ZFP2: variants seen among roughly 807,000 people sequenced by gnomAD.
ZFP2 encodes ZFP2 zinc finger protein.
In ZFP2, 33 loss-of-function variants were observed where a neutral mutation model predicts 36.1. The observed-to-expected ratio is 0.92, with a 90% confidence interval of 0.69 to 1.22. The LOEUF (loss-of-function observed/expected upper bound fraction) is 1.22. Ranked by LOEUF, ZFP2 falls within the 50% of genes most tolerant of loss-of-function variation. ZFP2 has a pLI of 0.00. For missense variants in ZFP2, 522 were observed against 551.4 expected (o/e 0.95, Z 0.53); for synonymous variants, 170 against 178.0 (o/e 0.96, Z 0.36).
At position 178,923,490 on chromosome 5, in the gene ZFP2, A is replaced by G. The variant is rs969605099; in HGVS notation, c.-78+6780A>G. ...GTCACTGCCAGTCTTTTTATACCCA[A>G]ACTAACTTCCCCATTCATGTTTATT... On this transcript the variant is annotated intron_variant, in intron 4 of 4. Transcript: ENST00000361362. 1.9e-4 allele frequency among the ~76,000 whole-genome samples: 28 copies of G among 149,684 alleles called. 5 individuals are homozygous for G. The highest frequency in any genetic ancestry group is 1.5e-4 in the Non-Finnish European group (10 of 66,684).
At chr5:178,897,773 G>A (rs80183397) in intron 1 of ZFP2, among the ~76,000 whole-genome samples, 21,347 of 151,988 alleles carry the variant, frequency 0.14, 1,736 homozygotes, top group African/African-American at 0.23. Context: ...GAGTTTATCT[G>A]TTTTATTTAC....
chr5:178,919,067 A>C (rs1053021361), intron 4 of ZFP2, among the ~76,000 whole-genome samples: 3 of 152,206 alleles, frequency 2.0e-5, no homozygotes, highest in Non-Finnish European at 4.4e-5. Flanking sequence ...AATAACATTA[A>C]ATAGTAGTAG....
intron 4 of ZFP2, among the ~76,000 whole-genome samples, chr5:178,929,080 C>T (rs1455394395): frequency 2.0e-5 from 3 of 152,156 alleles, no homozygotes; most frequent in African/African-American, 7.2e-5. Flanking sequence ...AGCTGGGATG[C>T]AGGGAGCAGT....
intron 1 of ZFP2, among the ~76,000 whole-genome samples, chr5:178,900,679 A>C (rs1477249511): frequency 1.6e-4 from 2 of 12,288 alleles, no homozygotes; most frequent in Non-Finnish European, 1.7e-4. Context: ...CCCCAGCCAG[A>C]CAGTGTCCTC....
At chr5:178,917,191 A>AT (rs1758450057) in intron 4 of ZFP2, among the ~76,000 whole-genome samples, 1 of 152,264 alleles carries the variant, frequency 6.6e-6, no homozygotes, top group Non-Finnish European at 1.5e-5. Flanking sequence ...AATTAAGAAC[A>AT]TGAATAAAGT....
chr5:178,929,321 GGCT>G lies in ZFP2; in HGVS notation c.-77-1913_-77-1911del, dbSNP rs141654203. The stretch of plus-strand genomic sequence containing the variant: ...GCTTTTCTTTTCTACCACATGGCCA[GGCT>G]GCAAATGTTCCACTTACTCCCTTTT... On this transcript the variant is annotated intron_variant, in intron 4 of 4. Transcript: ENST00000361362. Among the ~76,000 whole-genome samples the G allele has an allele frequency of 1.1e-3, 168 of 151,686 alleles. 2 individuals carry two copies. In the East Asian group the frequency reaches 0.031, roughly 28 times the overall value.
Position 178,907,105 on chromosome 5 carries a change from G to A in ZFP2, c.-449-5479G>A, listed in dbSNP as rs114155972. 7.5e-3 allele frequency among the ~76,000 whole-genome samples: 1,145 copies of A among 152,168 alleles called. 18 individuals carry two copies. Among genetic ancestry groups the A allele is most frequent in the African/African-American group, 0.026 (1,077 of 41,534 alleles). On this transcript the variant is annotated intron_variant, in intron 1 of 4. Coordinates refer to ENST00000361362, the MANE Select transcript of ZFP2 (RefSeq NM_030613.4). ...CCAAAGCTGGCCTTATGGAGCGAGC[G>A]TGTGGAGAAGTCTGGGGAACTGGAC...
chr5:178,931,953 TAC>T lies in ZFP2; in HGVS notation c.642_643del (p.Tyr214Ter). 1 of 1,614,054 alleles carries T rather than the reference TAC, an allele frequency of 6.2e-7. No homozygotes were observed. The highest frequency in any genetic ancestry group is 8.5e-7 in the Non-Finnish European group (1 of 1,179,970). On this transcript the variant is annotated frameshift_variant, in exon 5 of 5. Transcript: ENST00000361362. LOFTEE classifies it high-confidence loss of function. ...HERIHTGEKP[Y>X]KCNECGKAFT... is the part of the protein sequence containing the mutation. Reference sequence around the variant, plus strand: ...AAGGATTCATACTGGAGAGAAACCCTACAAATGTAATGAATGTGGTAAAGCTT... The same window carrying T: ...AAGGATTCATACTGGAGAGAAACCCTAAATGTAATGAATGTGGTAAAGCTT...
In ZFP2 at chr5:178,932,134, A is replaced by G; in HGVS notation, c.821A>G (p.Gln274Arg). The G allele has an allele frequency of 6.2e-7, 1 of 1,613,370 alleles. No homozygotes were observed. Among genetic ancestry groups the G allele is most frequent in the Non-Finnish European group, 8.5e-7 (1 of 1,179,496 alleles). ...GGAGAAAAACCCTATGAGTGTAGTC[A>G]ATGTGGAAAAGCCTTTAGTAAGAGC... is the stretch of plus-strand genomic sequence containing the variant. ...HTGEKPYECS[Q>R]CGKAFSKSST... is the part of the protein sequence containing the mutation. The change falls in exon 5 of 5, where the codon CAA (glutamine) becomes CGA (arginine). Residue 274 changes from glutamine to arginine, a missense_variant. Gln to Arg is a conservative substitution (Grantham distance 43). Coordinates refer to ENST00000361362, the MANE Select transcript of ZFP2 (RefSeq NM_030613.4).
At chr5:178,929,929 A>G (rs919073180) in intron 4 of ZFP2, among the ~76,000 whole-genome samples, 2 of 132,226 alleles carry the variant, frequency 1.5e-5, no homozygotes, top group African/African-American at 5.2e-5. Context: ...TAGTGCCAGC[A>G]TCTGCTTGAC....
At chr5:178,927,804 TG>T (rs1758717230) in intron 4 of ZFP2, among the ~76,000 whole-genome samples, 1 of 151,624 alleles carries the variant, frequency 6.6e-6, no homozygotes, top group South Asian at 2.1e-4. Context: ...CCCAAAGCGC[TG>T]GGATTACAGC....
intron 4 of ZFP2, among the ~76,000 whole-genome samples, chr5:178,926,911 A>G (rs1027682728): frequency 1.3e-5 from 2 of 152,062 alleles, no homozygotes; most frequent in Non-Finnish European, 2.9e-5. Flanking sequence ...TTGTCTTTCC[A>G]CTTTTTCTCT....
intron 1 of ZFP2, among the ~76,000 whole-genome samples, chr5:178,906,651 G>A (rs987317400): frequency 3.3e-5 from 5 of 151,964 alleles, no homozygotes; most frequent in African/African-American, 1.2e-4. Flanking sequence ...CGCCTCCCGG[G>A]TTCAAGTGAT....
At chr5:178,900,997 T>C (rs558443332) in intron 1 of ZFP2, among the ~76,000 whole-genome samples, 3 of 152,384 alleles carry the variant, frequency 2.0e-5, no homozygotes, top group African/African-American at 7.2e-5. Context: ...CATGATATTG[T>C]GTGTAGTAAT....
At chr5:178,925,796 TG>T (rs112354000) in intron 4 of ZFP2, among the ~76,000 whole-genome samples, 3 of 149,556 alleles carry the variant, frequency 2.0e-5, no homozygotes, top group African/African-American at 7.3e-5. Context: ...TTGTGGGTCA[TG>T]TGTTGCAAAT....
chr5:178,924,608 G>A (rs1195737059), intron 4 of ZFP2, among the ~76,000 whole-genome samples: 1 of 148,744 alleles, frequency 6.7e-6, no homozygotes, highest in Non-Finnish European at 1.5e-5. Flanking sequence ...GGGAGGCCAA[G>A]GTGGGTGGAT....
Position 178,931,279 on chromosome 5 carries a change from C to T in ZFP2, c.-35C>T, listed in dbSNP as rs766562779. On this transcript the variant is annotated 5_prime_UTR_variant, in exon 5 of 5. Transcript: ENST00000361362. ...GAAACCAAAGAGCCAACTCCGAAGC[C>T]GGGTATTACTGAAGATTTATGCCAT... The T allele has an allele frequency of 6.0e-5, 92 of 1,530,438 alleles. No individual in the cohort carries two copies. The highest frequency in any genetic ancestry group is 7.2e-5 in the Non-Finnish European group (82 of 1,143,500). The allele number at this position is 1,530,438 out of a possible 1,614,324, so 94.8% of individuals were successfully genotyped here. A position where few individuals can be genotyped will look rare whatever the true frequency, so the allele number is the denominator to read the frequency against.
At chr5:178,918,187 A>G (rs113811364) in intron 4 of ZFP2, among the ~76,000 whole-genome samples, 1 of 152,156 alleles carries the variant, frequency 6.6e-6, no homozygotes, top group Non-Finnish European at 1.5e-5. Context: ...GTTTATTGCT[A>G]TATCCTGAGC....
intron 1 of ZFP2, among the ~76,000 whole-genome samples, chr5:178,908,012 A>G (rs1481725260): frequency 7.9e-5 from 12 of 152,200 alleles, no homozygotes; most frequent in African/African-American, 2.9e-4. Context: ...AGAGTTCTGG[A>G]TAAATTAGCT....
Sources: gnomAD v4.1 joint callset for allele counts (sites outside exome capture counted in the v4.1 genomes callset) on GRCh38, gnomAD v4.1.1 for gene constraint, MANE v1.5 for transcripts, NCBI Gene and HGNC (gene_info 2026-07-23, HGNC 2026-07-21) for gene names.